Variants in STRADB observed in about 807,000 individuals in gnomAD.
The protein encoded by STRADB is STE20 related adaptor beta, also known as STE20-related kinase adapter protein beta.
STRADB carries 34 observed loss-of-function variants against 52.1 expected under a neutral mutation model. The ratio of observed to expected loss-of-function variants is 0.65; its 90% CI spans 0.50 to 0.87. The LOEUF is 0.87. Ranked by LOEUF, STRADB falls within the 40% of genes least tolerant of loss-of-function variation. STRADB has a pLI of 0.00. For synonymous variants in STRADB, 133 were observed against 174.5 expected, an observed-to-expected ratio of 0.76 and a Z score of 1.87; for missense variants, 340 against 483.9, an observed-to-expected ratio of 0.70 and a Z score of 2.79.
intron 5 of STRADB, among the ~76,000 whole-genome samples, chr2:201,473,982 C>T (rs1952432605): frequency 6.6e-6 from 1 of 151,592 alleles, no homozygotes; most frequent in Non-Finnish European, 1.5e-5. Flanking sequence ...GCTCCGCCTC[C>T]CGGGTTCACG....
chr2:201,477,830 G>A (rs1952503140), intron 8 of STRADB, 40 bp downstream of exon 8: 3 of 1,599,400 alleles, frequency 1.9e-6, no homozygotes, highest in Non-Finnish European at 1.7e-6. Context: ...TGTGTCTCAA[G>A]TGTCTTCTGA....
In STRADB at chr2:201,456,263, G is replaced by A. The variant is rs185420836; in HGVS notation, c.12+1411G>A. Among the ~76,000 whole-genome samples, 280 of 152,230 alleles carry A rather than the reference G, an allele frequency of 1.8e-3. 2 individuals are homozygous for A. Among genetic ancestry groups the A allele is most frequent in the African/African-American group, 6.0e-3 (248 of 41,550 alleles). On this transcript the variant is annotated intron_variant, in intron 2 of 11. Coordinates refer to ENST00000194530, the MANE Select transcript of STRADB (RefSeq NM_018571.6). ...TTTGGCTCATGGACCATAGTTTGCCGACCCTTACTCTAAAGGATTACTTAA... is the reference window on the plus strand; with the variant it reads ...TTTGGCTCATGGACCATAGTTTGCCAACCCTTACTCTAAAGGATTACTTAA...
chr2:201,477,052 GTTTTTTTTTT>G (rs1221462406), intron 7 of STRADB, among the ~76,000 whole-genome samples: 4 of 57,040 alleles, frequency 7.0e-5, no homozygotes, highest in Admixed American at 3.2e-4. Context: ...AATATTATCA[GTTTTTTTTTT>G]TTTTTTTTTT....
At chr2:201,458,663 C>G in intron 2 of STRADB, 121 bp from the exon 3 acceptor site, 8 of 734,358 alleles carry the variant, frequency 1.1e-5, no homozygotes, top group Non-Finnish European at 1.6e-5. Flanking sequence ...TTCCAAGTTT[C>G]TGCAAGTTGC....
At chr2:201,467,683 C>A (rs1574286810) in intron 3 of STRADB, among the ~76,000 whole-genome samples, 1 of 152,180 alleles carries the variant, frequency 6.6e-6, no homozygotes, top group African/African-American at 2.4e-5. Context: ...TTCATTGTTG[C>A]TGGAACCTTC....
Position 201,480,713 on chromosome 2 carries a change from T to G in STRADB, c.*538T>G. On this transcript the variant is annotated 3_prime_UTR_variant, in exon 12 of 12. Coordinates refer to ENST00000194530, the MANE Select transcript of STRADB (RefSeq NM_018571.6). ...GCCTCACTCACATTAAATGATTCAC[T>G]TGAAATATATACAGAAATTGTAATT... 1.0e-6 allele frequency: 1 copy of G among 985,188 alleles called. No individual in the cohort carries two copies. The highest frequency in any genetic ancestry group is 1.2e-6 in the Non-Finnish European group (1 of 829,270). The allele number at this position is 985,188 out of a possible 1,614,324, so 61.0% of individuals were successfully genotyped here. A position where few individuals can be genotyped will look rare whatever the true frequency, so the allele number is the denominator to read the frequency against.
At position 201,461,554 on chromosome 2, in the gene STRADB, T is replaced by C. The variant is rs1952216759; in HGVS notation, c.93+2690T>C. ...AGATTGTTAGATTTTTTAAATTGGA[T>C]TGTTTGAGCTCCTTATATATTCTGG... On this transcript the variant is annotated intron_variant, in intron 3 of 11. Transcript: ENST00000194530. 3.3e-5 allele frequency among the ~76,000 whole-genome samples: 5 copies of C among 152,242 alleles called. No homozygotes were observed. The South Asian group carries it at 1.0e-3, about 31-fold the overall frequency.
intron 7 of STRADB, among the ~76,000 whole-genome samples, chr2:201,476,546 A>T (rs115167483): frequency 6.6e-6 from 1 of 152,102 alleles, no homozygotes; most frequent in Non-Finnish European, 1.5e-5. Flanking sequence ...AAGGAAATGT[A>T]TAAGATATAT....
intron 3 of STRADB, among the ~76,000 whole-genome samples, chr2:201,461,526 A>C (rs1188997090): frequency 1.3e-5 from 2 of 152,166 alleles, no homozygotes; most frequent in Non-Finnish European, 2.9e-5. Flanking sequence ...CCATTTTTAA[A>C]TCAGATTGTT....
intron 3 of STRADB, among the ~76,000 whole-genome samples, chr2:201,464,873 T>C (rs1288894791): frequency 6.6e-6 from 1 of 152,180 alleles, no homozygotes; most frequent in African/African-American, 2.4e-5. Context: ...ATGGCCACCA[T>C]TGTCCCAGGC....
chr2:201,458,257 ATAAAAG>A (rs1426598378), intron 2 of STRADB, among the ~76,000 whole-genome samples: 2 of 152,242 alleles, frequency 1.3e-5, no homozygotes, highest in Non-Finnish European at 2.9e-5. Flanking sequence ...AATTGCGATA[ATAAAAG>A]TAAGTCTCTT....
intron 2 of STRADB, among the ~76,000 whole-genome samples, chr2:201,456,481 G>T (rs1387984550): frequency 6.6e-6 from 1 of 152,180 alleles, no homozygotes; most frequent in Non-Finnish European, 1.5e-5. Context: ...AATAGAATGT[G>T]ATAATGGGTG....
chr2:201,467,535 T>C (rs1365980313), intron 3 of STRADB, among the ~76,000 whole-genome samples: 1 of 152,252 alleles, frequency 6.6e-6, no homozygotes, highest in African/African-American at 2.4e-5. Flanking sequence ...ATCTACTTCC[T>C]GGAGCTTCTA....
intron 3 of STRADB, among the ~76,000 whole-genome samples, chr2:201,459,440 A>C (rs1384147243): frequency 6.6e-6 from 1 of 152,160 alleles, no homozygotes; most frequent in African/African-American, 2.4e-5. Flanking sequence ...GGTATTTCCT[A>C]CTTTGTCTAA....
At chr2:201,459,740 C>T (rs577229132) in intron 3 of STRADB, among the ~76,000 whole-genome samples, 1 of 152,294 alleles carries the variant, frequency 6.6e-6, no homozygotes, top group South Asian at 2.1e-4. Context: ...CGCTTTCCAG[C>T]TTTGAAACTT....
At chr2:201,469,855 C>A in intron 3 of STRADB, 98 bp from the exon 4 acceptor site, 2 of 833,500 alleles carry the variant, frequency 2.4e-6, no homozygotes, top group Non-Finnish European at 3.9e-6. Context: ...TCCTAATGAG[C>A]ACCTCTGTGT....
chr2:201,476,981 CAAAAAAAAAAA>C lies in STRADB; in HGVS notation c.549-626_549-616del, dbSNP rs749872871. 1.0e-4 allele frequency among the ~76,000 whole-genome samples: 3 copies of C among 30,052 alleles called. 1 individual carries two copies. The Admixed American group carries it at 2.3e-3, about 23-fold the overall frequency. 19.7% of individuals were successfully genotyped at this position (30,052 alleles called of 152,430 possible). The stretch of plus-strand genomic sequence containing the variant: ...TGGGCCACAGAGTGAGATTCTGTCT[CAAAAAAAAAAA>C]AAAAAAAAAAAGTGAAATTAATTAT... On this transcript the variant is annotated intron_variant, in intron 7 of 11. Coordinates refer to ENST00000194530, the MANE Select transcript of STRADB (RefSeq NM_018571.6).
chr2:201,457,089 G>A (rs1952139570), intron 2 of STRADB, among the ~76,000 whole-genome samples: 1 of 152,164 alleles, frequency 6.6e-6, no homozygotes, highest in Admixed American at 6.5e-5. Context: ...GACACAGTGA[G>A]CGATTCTTAT....
rs549360906 is a variant in STRADB at position 201,464,218 on chromosome 2, C to T, written c.93+5354C>T. On this transcript the variant is annotated intron_variant, in intron 3 of 11. Coordinates refer to ENST00000194530, the MANE Select transcript of STRADB (RefSeq NM_018571.6). ...GAAGGCTGAACTTATTTGTACCCATCCTTCTTGGGAAGGCTTTCCAAGTAT... is the reference window on the plus strand; with the variant it reads ...GAAGGCTGAACTTATTTGTACCCATTCTTCTTGGGAAGGCTTTCCAAGTAT... 2.0e-5 allele frequency among the ~76,000 whole-genome samples: 3 copies of T among 152,246 alleles called. No homozygotes were observed. The East Asian group carries it at 5.8e-4, about 29-fold the overall frequency.
Sources: allele counts gnomAD v4.1 joint callset (sites outside exome capture counted in the v4.1 genomes callset), GRCh38; gene constraint gnomAD v4.1.1; transcripts MANE v1.5; gene names NCBI Gene and HGNC (gene_info 2026-07-23, HGNC 2026-07-21).